The following PCDH15 variants were observed in gnomAD, a reference collection of about 807,000 sequenced individuals.
PCDH15 encodes protocadherin-15.
A neutral mutation model predicts 178.5 loss-of-function variants in PCDH15; 129 were observed. The observed-to-expected ratio is 0.72, with a 90% CI of 0.63 to 0.84. The LOEUF is 0.84. PCDH15 is among the 40% of genes least tolerant of loss of function. The pLI is 0.00. For synonymous variants in PCDH15, 800 were observed against 732.0 expected (o/e 1.09, Z -1.50); for missense variants, 2,230 against 2,099.9 (o/e 1.06, Z -1.21).
intron 8 of PCDH15, among the ~76,000 whole-genome samples, chr10:54,239,369 G>T (rs182520665): frequency 0.012 from 1,847 of 151,312 alleles, 20 homozygotes; most frequent in African/African-American, 0.025. Flanking sequence ...GAGGAAGGGA[G>T]AAATGAAAAT....
At chr10:54,782,712 A>G (rs1265816570) in intron 1 of PCDH15, among the ~76,000 whole-genome samples, 1 of 151,976 alleles carries the variant, frequency 6.6e-6, no homozygotes, top group East Asian at 1.9e-4. Flanking sequence ...CTAGCCCACC[A>G]AGCTTGCTAC....
chr10:55,471,058 C>T (rs1440702019), intron 2 of PCDH15, among the ~76,000 whole-genome samples: 2 of 152,112 alleles, frequency 1.3e-5, no homozygotes, highest in Non-Finnish European at 2.9e-5. Flanking sequence ...TTTGTCCATT[C>T]ACCTACTAAA....
intron 16 of PCDH15, 90 bp from the exon 17 acceptor site, chr10:54,079,514 C>CT (rs1017145644): frequency 5.2e-6 from 6 of 1,147,650 alleles, no homozygotes; most frequent in Admixed American, 1.7e-5. Flanking sequence ...CTTTTGATAG[C>CT]TTTTTTTCCC....
chr10:54,767,433 T>TCTAA (rs1948640394), intron 1 of PCDH15, among the ~76,000 whole-genome samples: 1 of 152,072 alleles, frequency 6.6e-6, no homozygotes, highest in Admixed American at 6.5e-5. Flanking sequence ...TTTAGAAGAA[T>TCTAA]TCCAATTAAA....
intron 26 of PCDH15, among the ~76,000 whole-genome samples, chr10:53,896,364 TG>T (rs1044150960): frequency 6.6e-6 from 1 of 152,252 alleles, no homozygotes; most frequent in Non-Finnish European, 1.5e-5. Flanking sequence ...ATTTCTTTTT[TG>T]TTGACTACAT....
chr10:55,069,282 AT>A (rs147802362), intron 2 of PCDH15, among the ~76,000 whole-genome samples: 54,436 of 141,958 alleles, frequency 0.38, 12,195 homozygotes, highest in East Asian at 0.5. Context: ...TAAAATAACA[AT>A]TTTTTTTTTA....
chr10:55,241,932 C>T (rs73269626), intron 1 of PCDH15, among the ~76,000 whole-genome samples: 2,171 of 152,206 alleles, frequency 0.014, 53 homozygotes, highest in African/African-American at 0.048. Context: ...ACTCATAAAA[C>T]GTGTTACCAG....
intron 35 of PCDH15, among the ~76,000 whole-genome samples, chr10:53,811,980 A>C (rs1040784088): frequency 6.6e-6 from 1 of 152,196 alleles, no homozygotes; most frequent in Non-Finnish European, 1.5e-5. Context: ...CTCAATTTTA[A>C]GTTAAATTAT....
chr10:55,046,362 A>G (rs1841005940), intron 2 of PCDH15, among the ~76,000 whole-genome samples: 1 of 152,036 alleles, frequency 6.6e-6, no homozygotes, highest in Non-Finnish European at 1.5e-5. Flanking sequence ...AATGGTGTGT[A>G]CTATTGTTTT....
chr10:54,751,900 C>T (rs896709953), intron 1 of PCDH15, among the ~76,000 whole-genome samples: 3 of 152,082 alleles, frequency 2.0e-5, no homozygotes, highest in South Asian at 4.1e-4. Context: ...AAGGGTATCA[C>T]ATTATACTGC....
Position 55,030,368 on chromosome 10 carries a change from G to A in PCDH15, c.-79-132868C>T, listed in dbSNP as rs557668745. Among the ~76,000 whole-genome samples the A allele has an allele frequency of 1.1e-3, 167 of 152,238 alleles. 1 individual carries two copies. Among genetic ancestry groups the A allele is most frequent in the African/African-American group, 3.7e-3 (154 of 41,566 alleles). ...CTGTCTGTTTGATTTTTCTTGAGAAGTTTCTACAGTGGTGAAGTTGAGGGA... is the reference window on the plus strand; with the variant it reads ...CTGTCTGTTTGATTTTTCTTGAGAAATTTCTACAGTGGTGAAGTTGAGGGA... On this transcript the variant is annotated intron_variant, in intron 2 of 5. Transcript: ENST00000458638.
At chr10:54,108,344 T>C (rs865956149) in intron 15 of PCDH15, among the ~76,000 whole-genome samples, 1 of 151,988 alleles carries the variant, frequency 6.6e-6, no homozygotes, top group African/African-American at 2.4e-5. Context: ...AGTGCAGCAA[T>C]TGTGAGGCTT....
At chr10:54,593,057 ACTC>A (rs1331600744) in intron 2 of PCDH15, among the ~76,000 whole-genome samples, 1 of 151,738 alleles carries the variant, frequency 6.6e-6, no homozygotes, top group Non-Finnish European at 1.5e-5. Context: ...AGTTTTGTGA[ACTC>A]CTTATATATT....
chr10:55,581,890 C>CCAGG (rs943755835), intron 2 of PCDH15, among the ~76,000 whole-genome samples: 6 of 152,032 alleles, frequency 3.9e-5, no homozygotes, highest in Non-Finnish European at 7.4e-5. Context: ...GCTCTGTCAC[C>CCAGG]CAGGCTGGAG....
intron 2 of PCDH15, among the ~76,000 whole-genome samples, chr10:54,981,501 C>G (rs2131904835): frequency 1.3e-5 from 2 of 152,210 alleles, no homozygotes; most frequent in South Asian, 4.1e-4. Flanking sequence ...TCAGCACCTG[C>G]CAAAACACGA....
intron 3 of PCDH15, among the ~76,000 whole-genome samples, chr10:54,456,625 G>C (rs778585843): frequency 5.3e-5 from 8 of 152,134 alleles, no homozygotes; most frequent in Non-Finnish European, 1.0e-4. Context: ...GGGAACTGTT[G>C]GAAGAGCATG....
Position 55,348,495 on chromosome 10 carries a change from A to G in PCDH15, c.-155-181844T>C, listed in dbSNP as rs565477270. On this transcript the variant is annotated intron_variant, in intron 2 of 5. Transcript: ENST00000613346. ...CAAACAAACCCCTGGCTTTGTGAAGAAAACAAACCCCTGCTCACATATATG... is the reference window on the plus strand; with the variant it reads ...CAAACAAACCCCTGGCTTTGTGAAGGAAACAAACCCCTGCTCACATATATG... Among the ~76,000 whole-genome samples, 6 of 152,284 alleles carry G rather than the reference A, an allele frequency of 3.9e-5. No homozygotes were observed. The East Asian group carries it at 7.7e-4, about 20-fold the overall frequency.
At chr10:54,287,218 T>C (rs896788616) in intron 8 of PCDH15, among the ~76,000 whole-genome samples, 2 of 152,220 alleles carry the variant, frequency 1.3e-5, no homozygotes, top group Admixed American at 1.3e-4. Context: ...ATCAGTGTAT[T>C]AAGCAGAAAA....
chr10:54,031,058 G>A (rs75582895), intron 18 of PCDH15, among the ~76,000 whole-genome samples: 4,189 of 152,034 alleles, frequency 0.028, 199 homozygotes, highest in African/African-American at 0.097. Context: ...GGAGGTCAAC[G>A]TATCACCTAT....
Sources: allele counts gnomAD v4.1 joint callset (sites outside exome capture counted in the v4.1 genomes callset), GRCh38; gene constraint gnomAD v4.1.1; transcripts MANE v1.5; gene names NCBI Gene and HGNC (gene_info 2026-07-23, HGNC 2026-07-21).